Variants in RAB3IL1 observed in about 807,000 individuals in gnomAD.
RAB3IL1 encodes RAB3A interacting protein like 1.
A neutral mutation model predicts 49.2 loss-of-function variants in RAB3IL1; 37 were observed. That is an observed-to-expected ratio of 0.75 (90% CI 0.58 to 0.99). RAB3IL1 has a LOEUF of 0.99. RAB3IL1 is among the 50% of genes least tolerant of loss of function. The pLI, the probability that RAB3IL1 is intolerant of heterozygous loss-of-function variation, is 0.00. For synonymous variants in RAB3IL1, 193 were observed against 213.9 expected (o/e 0.90, Z 0.85); for missense variants, 484 against 513.0 (o/e 0.94, Z 0.55).
intron 1 of RAB3IL1, among the ~76,000 whole-genome samples, chr11:61,916,138 G>GAGTTCGAGACCAGC: frequency 6.6e-6 from 1 of 152,120 alleles, no homozygotes; most frequent in East Asian, 1.9e-4. Flanking sequence ...CTGAGGTCAG[G>GAGTTCGAGACCAGC]AGTTCGAGAC....
chr11:61,926,423 T>C, the RAB3IL1 span, among the ~76,000 whole-genome samples: 2 of 152,200 alleles, frequency 1.3e-5, no homozygotes, highest in South Asian at 2.1e-4. Flanking sequence ...TGGGTATTTG[T>C]CCCTCCAAAT....
chr11:61,923,851 G>A (rs189038549), upstream of RAB3IL1, among the ~76,000 whole-genome samples: 126 of 152,244 alleles, frequency 8.3e-4, no homozygotes, highest in African/African-American at 2.9e-3. Context: ...GAAAGAGGAC[G>A]CTGGTTCTGG....
chr11:61,936,030 C>T, the RAB3IL1 span, among the ~76,000 whole-genome samples: 7 of 150,474 alleles, frequency 4.7e-5, no homozygotes, highest in South Asian at 4.2e-4. Context: ...AATAAAAATT[C>T]GCTAGAGGAG....
At chr11:61,920,713 C>T (rs1207919788), upstream of RAB3IL1, among the ~76,000 whole-genome samples, 5 of 152,354 alleles carry the variant, frequency 3.3e-5, no homozygotes, top group African/African-American at 1.2e-4. Flanking sequence ...GACCTGAAGT[C>T]AGCAGTTCAA....
intron 1 of RAB3IL1, among the ~76,000 whole-genome samples, chr11:61,912,613 G>T (rs1939504322): frequency 6.6e-6 from 1 of 152,238 alleles, no homozygotes; most frequent in Non-Finnish European, 1.5e-5. Context: ...TTCAGAGAGG[G>T]ATGGTGACCT....
At position 61,898,039 on chromosome 11, in the gene RAB3IL1, C is replaced by A. The variant is rs1938701403; in HGVS notation, c.*239G>T. ...TGGTCTTTGGTGCTTTCTTGAAATC[C>A]TCCTGGTGGTGGCAGAACCCAGTGG... is the stretch of plus-strand genomic sequence containing the variant. On this transcript the variant is annotated 3_prime_UTR_variant, in exon 10 of 10. Coordinates refer to ENST00000394836, the MANE Select transcript of RAB3IL1 (RefSeq NM_013401.4). This position sits in a 1 kb window ranked among gnomAD's most constrained non-coding sequence, Gnocchi z 5.1. 2.0e-6 allele frequency: 1 copy of A among 503,892 alleles called. No homozygotes were observed. The highest frequency in any genetic ancestry group is 2.4e-5 in the South Asian group (1 of 40,850). The allele number at this position is 503,892 out of a possible 1,614,324, so 31.2% of individuals were successfully genotyped here. A position where few individuals can be genotyped will look rare whatever the true frequency, so the allele number is the denominator to read the frequency against.
intron 8 of RAB3IL1, 24 bp from the exon 9 acceptor site, chr11:61,899,404 G>T (rs115837950): frequency 6.2e-6 from 10 of 1,603,786 alleles, no homozygotes; most frequent in Non-Finnish European, 7.6e-6. Flanking sequence ...TGGGGACGGT[G>T]TGACCTGCCA....
chr11:61,907,938 G>T, intron 2 of RAB3IL1, 116 bp downstream of exon 2: 1 of 1,451,916 alleles, frequency 6.9e-7, no homozygotes, highest in Non-Finnish European at 9.2e-7. Context: ...AGCTGGCCTC[G>T]GTGAGGGCAC....
chr11:61,926,581 T>G, the RAB3IL1 span, among the ~76,000 whole-genome samples: 5 of 152,162 alleles, frequency 3.3e-5, no homozygotes, highest in Admixed American at 3.3e-4. Flanking sequence ...TGAGATGGAG[T>G]CTCACTCTGT....
At chr11:61,938,619 G>A in the RAB3IL1 span, among the ~76,000 whole-genome samples, 1 of 152,104 alleles carries the variant, frequency 6.6e-6, no homozygotes, top group Admixed American at 6.6e-5. Flanking sequence ...GTAGAAACAG[G>A]CCAGCAAGAA....
chr11:61,910,012 T>G (rs1163733918), intron 1 of RAB3IL1, among the ~76,000 whole-genome samples: 2 of 152,108 alleles, frequency 1.3e-5, no homozygotes, highest in African/African-American at 4.8e-5. Flanking sequence ...AGAGCGAAAC[T>G]CTGTCTCAAA....
rs746289546 is a variant in RAB3IL1 at position 61,907,460 on chromosome 11, T to C, written c.371A>G (p.Lys124Arg). ...LTASLFEEAH[K>R]MVREANMKQA... ...CTTCATGTTGGCTTCTCGAACCATC[T>C]TGTGAGCTTCCTAGGAAGAAGGCAG... Residue 124 changes from lysine (K) to arginine (R), a missense_variant, in exon 4 of 10, where the codon AAG (lysine) becomes AGG (arginine). Transcript: ENST00000394836. The C allele has an allele frequency of 1.2e-6, 2 of 1,614,036 alleles. No individual in the cohort carries two copies. The highest frequency in any genetic ancestry group is 3.3e-5 in the Admixed American group (2 of 60,004).
intron 1 of RAB3IL1, among the ~76,000 whole-genome samples, chr11:61,910,269 CT>C (rs1174893853): frequency 6.6e-6 from 1 of 152,218 alleles, no homozygotes; most frequent in African/African-American, 2.4e-5. Flanking sequence ...TAAAGCGCTG[CT>C]GGGCCCAGGG....
the RAB3IL1 span, among the ~76,000 whole-genome samples, chr11:61,932,834 C>T: frequency 6.8e-6 from 1 of 148,124 alleles, no homozygotes; most frequent in Non-Finnish European, 1.5e-5. Context: ...TGCAGTGGCA[C>T]AATCTCAGCT....
chr11:61,904,606 G>A lies in RAB3IL1; in HGVS notation c.839C>T (p.Pro280Leu), dbSNP rs140445882. 1.9e-6 allele frequency: 3 copies of A among 1,613,360 alleles called. No individual in the cohort carries two copies. The highest frequency in any genetic ancestry group is 2.2e-5 in the East Asian group (1 of 44,884). Residue 280 changes from proline (P) to leucine (L), a missense_variant, in exon 7 of 10, where the codon CCG becomes CTG. Pro to Leu is a moderately conservative substitution (Grantham distance 98). Coordinates refer to ENST00000394836, the MANE Select transcript of RAB3IL1 (RefSeq NM_013401.4). ...AVEDNTLTIE[P>L]VASQTLPTVK... ...TGTGGGCAGCGTCTGCGAAGCCACC[G>A]GCTCAATGGTGAGCGTGTTGTCCTC... is the stretch of plus-strand genomic sequence containing the variant.
the RAB3IL1 span, among the ~76,000 whole-genome samples, chr11:61,931,636 A>AGAG: frequency 2.6e-5 from 4 of 152,206 alleles, no homozygotes; most frequent in Non-Finnish European, 5.9e-5. Context: ...GAGGAGGTGA[A>AGAG]GAGGAGGAGG....
the RAB3IL1 span, among the ~76,000 whole-genome samples, chr11:61,933,128 T>A: frequency 6.6e-6 from 1 of 152,272 alleles, no homozygotes; most frequent in South Asian, 2.1e-4. Flanking sequence ...TGTGGTAGGA[T>A]AAAAATGGCC....
chr11:61,916,761 G>A (rs1939707361), intron 1 of RAB3IL1, among the ~76,000 whole-genome samples: 1 of 152,186 alleles, frequency 6.6e-6, no homozygotes, highest in Non-Finnish European at 1.5e-5. Flanking sequence ...AGAACCAGTG[G>A]CCTGAACAGA....
chr11:61,920,319 A>G, upstream of RAB3IL1: 4 of 1,188,924 alleles, frequency 3.4e-6, no homozygotes. Flanking sequence ...GCAGCCTGGG[A>G]GGGAGGCACC....
Sources: allele counts gnomAD v4.1 joint callset (sites outside exome capture counted in the v4.1 genomes callset), GRCh38; gene constraint gnomAD v4.1.1; non-coding constraint Gnocchi (gnomAD v3.1); transcripts MANE v1.5; gene names NCBI Gene and HGNC (gene_info 2026-07-23, HGNC 2026-07-21).